Variants in PIEZO2 observed in about 807,000 individuals in gnomAD.
PIEZO2 encodes the protein piezo-type mechanosensitive ion channel component 2.
PIEZO2 carries 172 observed loss-of-function variants against 337.3 expected under a neutral mutation model. That is an observed-to-expected ratio of 0.51 (90% CI 0.45 to 0.58). The LOEUF is 0.58. Ranked by LOEUF, PIEZO2 falls within the 20% of genes least tolerant of loss-of-function variation. The probability of loss-of-function intolerance (pLI) is 0.00; values close to 1 mark genes in which losing one functional copy is unlikely to be tolerated. For missense variants in PIEZO2, 3,028 were observed against 3,391.3 expected, an observed-to-expected ratio of 0.89 and a Z score of 2.66; for synonymous variants, 1,251 against 1,228.5, an observed-to-expected ratio of 1.02 and a Z score of -0.38.
chr18:10,734,024 G>C (rs1435246726), intron 35 of PIEZO2, among the ~76,000 whole-genome samples: 2 of 152,208 alleles, frequency 1.3e-5, no homozygotes, highest in African/African-American at 4.8e-5. Flanking sequence ...CTTTATCAAA[G>C]TGGAGATCCT....
Position 10,707,611 on chromosome 18 carries a change from T to C in PIEZO2, c.5588+664A>G, listed in dbSNP as rs1002109809. 1.7e-4 allele frequency among the ~76,000 whole-genome samples: 26 copies of C among 152,244 alleles called. 1 individual carries two copies. Among genetic ancestry groups the C allele is most frequent in the Non-Finnish European group, 1.0e-4 (7 of 68,048 alleles). ...CAATTCAAAAAGAGTTTTCGGGTTG[T>C]ATGCAAATAATTTTATTTCTAAATG... is the stretch of plus-strand genomic sequence containing the variant. On this transcript the variant is annotated intron_variant, in intron 40 of 55. Coordinates refer to ENST00000674853, the MANE Select transcript of PIEZO2 (RefSeq NM_001378183.1). The surrounding 1 kb of genome is among the most constrained non-coding windows in gnomAD (Gnocchi z 4.2).
intron 7 of PIEZO2, among the ~76,000 whole-genome samples, chr18:10,822,232 G>A (rs1407623408): frequency 6.6e-6 from 1 of 152,196 alleles, no homozygotes; most frequent in Admixed American, 6.5e-5. Context: ...TGCCATTTGG[G>A]ATAGCAGTGA....
intron 4 of PIEZO2, among the ~76,000 whole-genome samples, chr18:10,901,914 AC>A (rs2043058471): frequency 6.6e-6 from 1 of 151,362 alleles, no homozygotes; most frequent in South Asian, 2.1e-4. Flanking sequence ...CATATGCAAA[AC>A]AAAAAAAAAA....
intron 2 of PIEZO2, among the ~76,000 whole-genome samples, chr18:11,014,561 G>T (rs2036023386): frequency 6.8e-6 from 1 of 146,724 alleles, no homozygotes; most frequent in African/African-American, 2.6e-5. Flanking sequence ...ATTCCTCAGT[G>T]GGGAACATGT....
Position 11,148,725 on chromosome 18 carries a change from C to G in PIEZO2, c.-137G>C. On this transcript the variant is annotated 5_prime_UTR_variant, in exon 1 of 56. Coordinates refer to ENST00000674853, the MANE Select transcript of PIEZO2 (RefSeq NM_001378183.1). This position sits in a 1 kb window ranked among gnomAD's most constrained non-coding sequence, Gnocchi z 5.2. ...CACCCGAGCATCGCCTCGGCGCGGG[C>G]CGCGACGCTCTCCGCCCCGAGGGCA... 1 of 885,700 alleles carries G rather than the reference C, an allele frequency of 1.1e-6. No individual in the cohort carries two copies. Among genetic ancestry groups the G allele is most frequent in the Non-Finnish European group, 1.7e-6 (1 of 586,698 alleles). 54.9% of individuals were successfully genotyped at this position (885,700 alleles called of 1,614,324 possible).
At chr18:10,719,347 T>C (rs1166847731) in intron 36 of PIEZO2, among the ~76,000 whole-genome samples, 2 of 152,128 alleles carry the variant, frequency 1.3e-5, no homozygotes, top group African/African-American at 2.4e-5. Flanking sequence ...TCAATCCCCC[T>C]GTCCCCAACT....
At chr18:10,965,526 G>GTCTA (rs1455123620) in intron 3 of PIEZO2, among the ~76,000 whole-genome samples, 2 of 152,118 alleles carry the variant, frequency 1.3e-5, no homozygotes, top group Non-Finnish European at 2.9e-5. Flanking sequence ...AAAAACATCT[G>GTCTA]TCTATCTATC....
chr18:10,763,000 C>T lies in PIEZO2; in HGVS notation c.3045G>A (p.Thr1015=), dbSNP rs1426770135. The T allele has an allele frequency of 2.1e-5, 32 of 1,537,196 alleles. No homozygotes were observed. Among genetic ancestry groups the T allele is most frequent in the East Asian group, 9.8e-5 (4 of 40,924 alleles). ...ACATTTTGCAGACGATGATCACACA[C>T]GTCCAGACTGTGCAGACACTTGAAG... The part of the protein sequence containing the change: ...RLASSVCTVW[T]CVIIVCKMLY... The change falls in exon 22 of 56, where the codon ACG becomes ACA. Residue 1015 remains threonine (T), a synonymous_variant. Coordinates refer to ENST00000674853, the MANE Select transcript of PIEZO2 (RefSeq NM_001378183.1).
chr18:10,773,149 C>T lies in PIEZO2; in HGVS notation c.2785+263G>A, dbSNP rs377165376. On this transcript the variant is annotated intron_variant, in intron 20 of 55. Transcript: ENST00000674853. This position sits in a 1 kb window ranked among gnomAD's most constrained non-coding sequence, Gnocchi z 5.3. ...CTGAGGACGTGGTCAACACCATGCC[C>T]CACCAGTGTCTAGACAGGAGCACTA... is the stretch of plus-strand genomic sequence containing the variant. Among the ~76,000 whole-genome samples the T allele has an allele frequency of 1.5e-3, 223 of 152,290 alleles. 2 individuals are homozygous for T. The highest frequency in any genetic ancestry group is 5.1e-3 in the African/African-American group (211 of 41,556).
Position 11,128,376 on chromosome 18 carries a change from T to C in PIEZO2, c.64+20149A>G, listed in dbSNP as rs1297577242. On this transcript the variant is annotated intron_variant, in intron 1 of 55. Transcript: ENST00000674853. This position sits in a 1 kb window ranked among gnomAD's most constrained non-coding sequence, Gnocchi z 4.1. ...TGGCTGACCTGCAACGAAAGATACA[T>C]GCACAGCCCCGCCAGGTGTCTACTG... 6.6e-6 allele frequency among the ~76,000 whole-genome samples: 1 copy of C among 152,114 alleles called. No homozygotes were observed. The highest frequency in any genetic ancestry group is 2.4e-5 in the African/African-American group (1 of 41,406).
At chr18:10,926,844 T>G (rs766000889) in intron 3 of PIEZO2, among the ~76,000 whole-genome samples, 1 of 152,206 alleles carries the variant, frequency 6.6e-6, no homozygotes, top group Non-Finnish European at 1.5e-5. Flanking sequence ...ATGCTGTCAC[T>G]GAGTAGGAAA....
rs1287825689 is a variant in PIEZO2, at chr18:10,988,848, T to C, written c.161-9188A>G. Among the ~76,000 whole-genome samples, 1 of 152,126 alleles carries C rather than the reference T, an allele frequency of 6.6e-6. No individual in the cohort carries two copies. The highest frequency in any genetic ancestry group is 1.9e-4 in the East Asian group (1 of 5,182). The stretch of plus-strand genomic sequence containing the variant: ...AAGCTAGACACAAACAAATACTACA[T>C]GATCTCATGTATATGTGGAATCTAA... On this transcript the variant is annotated intron_variant, in intron 2 of 55. Transcript: ENST00000674853. The surrounding 1 kb of genome is among the most constrained non-coding windows in gnomAD (Gnocchi z 4.8).
Position 10,784,753 on chromosome 18 carries a change from T to A in PIEZO2, c.2492+31A>T. The A allele has an allele frequency of 6.7e-7, 1 of 1,494,102 alleles. No individual in the cohort carries two copies. The allele number at this position is 1,494,102 out of a possible 1,614,324, so 92.6% of individuals were successfully genotyped here. A position where few individuals can be genotyped will look rare whatever the true frequency, so the allele number is the denominator to read the frequency against. On this transcript the variant is annotated intron_variant, in intron 17 of 55. Coordinates refer to ENST00000674853, the MANE Select transcript of PIEZO2 (RefSeq NM_001378183.1). This position sits in a 1 kb window ranked among gnomAD's most constrained non-coding sequence, Gnocchi z 4.5. ...GGTTGAAGAGCTGCCTTCCTGCTAA[T>A]AAGAGGTCTGTGTTTCTTCCAGTGG...
At chr18:10,921,225 C>G (rs966757384) in intron 3 of PIEZO2, among the ~76,000 whole-genome samples, 1 of 151,832 alleles carries the variant, frequency 6.6e-6, no homozygotes, top group Non-Finnish European at 1.5e-5. Context: ...GATAAGGTGA[C>G]GGAGCAGTGA....
chr18:10,788,886 T>C (rs1025118305), intron 15 of PIEZO2, among the ~76,000 whole-genome samples, 193 bp downstream of exon 15: 1 of 152,212 alleles, frequency 6.6e-6, no homozygotes, highest in African/African-American at 2.4e-5. Context: ...CACCCAGCCC[T>C]GAAATTCTGA....
intron 2 of PIEZO2, among the ~76,000 whole-genome samples, chr18:10,999,204 A>G (rs2035448150): frequency 6.6e-6 from 1 of 150,726 alleles, no homozygotes; most frequent in African/African-American, 2.4e-5. Context: ...AAAAAAAATC[A>G]GTTTATAGAT....
chr18:10,885,839 T>C (rs1358301445), intron 4 of PIEZO2, among the ~76,000 whole-genome samples: 1 of 152,180 alleles, frequency 6.6e-6, no homozygotes, highest in Non-Finnish European at 1.5e-5. Flanking sequence ...AATGGCCTGC[T>C]AGAAGAATTT....
intron 3 of PIEZO2, among the ~76,000 whole-genome samples, chr18:10,923,831 G>A (rs551883998): frequency 1.3e-5 from 2 of 152,262 alleles, no homozygotes; most frequent in South Asian, 4.1e-4. Context: ...ATTTGGCCTT[G>A]AATCCCCACT....
intron 3 of PIEZO2, among the ~76,000 whole-genome samples, chr18:10,949,721 T>C (rs2033201083): frequency 6.6e-6 from 1 of 152,208 alleles, no homozygotes; most frequent in Admixed American, 6.5e-5. Flanking sequence ...GAGAAGGTGT[T>C]TTCTTTCCAG....
Sources: gnomAD v4.1 joint callset for allele counts (sites outside exome capture counted in the v4.1 genomes callset) on GRCh38, gnomAD v4.1.1 for gene constraint, Gnocchi (gnomAD v3.1) non-coding constraint, MANE v1.5 for transcripts, NCBI Gene and HGNC (gene_info 2026-07-23, HGNC 2026-07-21) for gene names.